The following FAM133A variants were observed in gnomAD, a reference collection of about 807,000 sequenced individuals.
FAM133A encodes the protein protein FAM133A.
For synonymous variants in FAM133A, 65 were observed against 58.6 expected (o/e 1.11, Z -0.50); for missense variants, 159 against 164.4 (o/e 0.97, Z 0.18).
intron 2 of FAM133A, among the ~76,000 whole-genome samples, chrX:93,688,971 G>T (rs1243956931): frequency 1.8e-5 from 2 of 110,673 alleles, no homozygotes; most frequent in Non-Finnish European, 3.8e-5. Flanking sequence ...GGCATAAAGG[G>T]ATTATGTTGG....
intron 2 of FAM133A, among the ~76,000 whole-genome samples, chrX:93,688,416 G>A (rs1402943645): frequency 1.8e-5 from 2 of 110,487 alleles, no homozygotes; most frequent in African/African-American, 6.6e-5. Flanking sequence ...TTTTAATCAT[G>A]TATTGCTTGT....
chrX:93,678,340 T>C (rs1194687371), intron 2 of FAM133A, among the ~76,000 whole-genome samples: 2 of 111,839 alleles, frequency 1.8e-5, no homozygotes, highest in Admixed American at 9.5e-5. Flanking sequence ...CTCTTAAGGG[T>C]GCCTTTTACT....
Position 93,711,972 on chromosome X carries a change from T to C in FAM133A, c.*1806T>C, listed in dbSNP as rs767532418. 3 of 123,584 alleles carry C rather than the reference T, an allele frequency of 2.4e-5. No individual in the cohort carries two copies. The East Asian group carries it at 8.4e-4, about 35-fold the overall frequency. The allele number at this position is 123,584 out of a possible 1,213,427, so 10.2% of individuals were successfully genotyped here. A position where few individuals can be genotyped will look rare whatever the true frequency, so the allele number is the denominator to read the frequency against. On this transcript the variant is annotated 3_prime_UTR_variant, in exon 4 of 4. Coordinates refer to ENST00000683942, the MANE Select transcript of FAM133A (RefSeq NM_001171109.2). ...AGCTCATCATGTATCTATCTGCTCC[T>C]GTTCACTTCCAAACCTCTTGTAGTT... is the stretch of plus-strand genomic sequence containing the variant.
intron 3 of FAM133A, among the ~76,000 whole-genome samples, chrX:93,704,965 A>G (rs1299100624): frequency 1.8e-5 from 2 of 111,051 alleles, no homozygotes; most frequent in East Asian, 5.7e-4. Context: ...CACAGGTCTC[A>G]GATGATATGT....
At chrX:93,684,202 G>A (rs533515544) in intron 2 of FAM133A, among the ~76,000 whole-genome samples, 19 of 111,699 alleles carry the variant, frequency 1.7e-4, no homozygotes, top group African/African-American at 5.5e-4. Flanking sequence ...GGGGAGTCTA[G>A]TTTCAGTTTT....
intron 3 of FAM133A, among the ~76,000 whole-genome samples, chrX:93,708,076 G>A (rs754237878): frequency 6.2e-5 from 7 of 112,102 alleles, no homozygotes; most frequent in African/African-American, 2.3e-4. Flanking sequence ...TTTAGTATAA[G>A]GTTGAGCCAT....
chrX:93,675,158 A>G (rs1373940896), intron 2 of FAM133A, among the ~76,000 whole-genome samples: 2 of 111,880 alleles, frequency 1.8e-5, no homozygotes, highest in African/African-American at 6.5e-5. Flanking sequence ...AAAGTCTGTG[A>G]ACATTGCAAA....
chrX:93,702,933 A>G (rs1926818886), intron 3 of FAM133A, among the ~76,000 whole-genome samples: 1 of 109,114 alleles, frequency 9.2e-6, no homozygotes, highest in Admixed American at 9.9e-5. Context: ...CACGCCTGTA[A>G]TCCCAGCATT....
rs1300241043 is a variant in FAM133A, at chrX:93,711,930, A to G, written c.*1764A>G. The stretch of plus-strand genomic sequence containing the variant: ...TATAAGCTTATATTATTTGTAGAAT[A>G]TGGCAAAAGCATTTACAGCTCATCA... On this transcript the variant is annotated 3_prime_UTR_variant, in exon 4 of 4. Transcript: ENST00000683942. 1 of 123,586 alleles carries G rather than the reference A, an allele frequency of 8.1e-6. No homozygotes were observed. The highest frequency in any genetic ancestry group is 2.8e-4 in the East Asian group (1 of 3,582). The allele number at this position is 123,586 out of a possible 1,213,427, so 10.2% of individuals were successfully genotyped here. A position where few individuals can be genotyped will look rare whatever the true frequency, so the allele number is the denominator to read the frequency against.
intron 2 of FAM133A, among the ~76,000 whole-genome samples, chrX:93,679,547 C>T (rs1469062130): frequency 9.1e-5 from 10 of 110,395 alleles, no homozygotes; most frequent in East Asian, 2.8e-4. Context: ...TTTAACATAG[C>T]GCTATTTTTT....
intron 2 of FAM133A, among the ~76,000 whole-genome samples, chrX:93,683,772 T>C (rs1925326437): frequency 8.9e-6 from 1 of 112,131 alleles, no homozygotes; most frequent in Admixed American, 9.5e-5. Flanking sequence ...TTAATGATGT[T>C]GAATATGTTT....
chrX:93,680,456 C>T (rs1372970331), intron 2 of FAM133A, among the ~76,000 whole-genome samples: 1 of 111,217 alleles, frequency 9.0e-6, no homozygotes, highest in Non-Finnish European at 1.9e-5. Context: ...TTGGATATAT[C>T]CTCAGTACTG....
At chrX:93,684,202 G>C (rs533515544) in intron 2 of FAM133A, among the ~76,000 whole-genome samples, 1 of 111,646 alleles carries the variant, frequency 9.0e-6, no homozygotes, top group African/African-American at 3.3e-5. Flanking sequence ...GGGGAGTCTA[G>C]TTTCAGTTTT....
chrX:93,690,451 C>T (rs1696414080), intron 2 of FAM133A, among the ~76,000 whole-genome samples: 1 of 111,523 alleles, frequency 9.0e-6, no homozygotes. Context: ...CTTTTCTGTA[C>T]ATTTTATCTA....
At chrX:93,706,544 T>C (rs1283560604) in intron 3 of FAM133A, among the ~76,000 whole-genome samples, 1 of 111,800 alleles carries the variant, frequency 8.9e-6, no homozygotes, top group Non-Finnish European at 1.9e-5. Context: ...CCATACATCC[T>C]CTTTCTTACA....
intron 3 of FAM133A, among the ~76,000 whole-genome samples, chrX:93,708,079 T>A (rs1170072849): frequency 8.9e-6 from 1 of 112,254 alleles, no homozygotes; most frequent in East Asian, 2.8e-4. Context: ...AGTATAAGGT[T>A]GAGCCATAAA....
chrX:93,675,765 C>T (rs901824011), intron 2 of FAM133A, among the ~76,000 whole-genome samples: 1 of 110,712 alleles, frequency 9.0e-6, no homozygotes, highest in East Asian at 2.8e-4. Context: ...TGTCATATGC[C>T]GGGCAAATGT....
At chrX:93,703,645 C>T (rs1039353452) in intron 3 of FAM133A, among the ~76,000 whole-genome samples, 2 of 112,277 alleles carry the variant, frequency 1.8e-5, no homozygotes, top group Non-Finnish European at 3.8e-5. Flanking sequence ...ATACAAAATT[C>T]AAAATGTCTT....
At chrX:93,678,776 GT>G (rs1778395475) in intron 2 of FAM133A, among the ~76,000 whole-genome samples, 1 of 111,935 alleles carries the variant, frequency 8.9e-6, no homozygotes, top group African/African-American at 3.2e-5. Context: ...GTCCTTGTAT[GT>G]GTGGGTCTAT....
Sources: allele counts gnomAD v4.1 joint callset (sites outside exome capture counted in the v4.1 genomes callset), GRCh38; gene constraint gnomAD v4.1.1; transcripts MANE v1.5; gene names NCBI Gene and HGNC (gene_info 2026-07-23, HGNC 2026-07-21).